The following SCD5 variants were observed in gnomAD, a reference collection of about 807,000 sequenced individuals.
SCD5 encodes acyl-CoA-desaturase 4.
SCD5 carries 20 observed loss-of-function variants against 30.4 expected under a neutral mutation model. The ratio of observed to expected loss-of-function variants is 0.66; its 90% CI spans 0.46 to 0.96. The LOEUF is 0.96. Among genes scored for constraint, SCD5 ranks in the 40% least tolerant of loss-of-function variants. The pLI is 0.00. For missense variants in SCD5, 381 were observed against 443.3 expected (o/e 0.86, Z 1.26); for synonymous variants, 173 against 176.4 (o/e 0.98, Z 0.16).
At chr4:82,771,560 G>A (rs1357671905) in intron 1 of SCD5, among the ~76,000 whole-genome samples, 2 of 152,182 alleles carry the variant, frequency 1.3e-5, no homozygotes, top group African/African-American at 2.4e-5. Context: ...GATAGGAGAA[G>A]GTGACTCAAA....
At chr4:82,719,169 G>C (rs1340121237) in intron 1 of SCD5, among the ~76,000 whole-genome samples, 1 of 151,808 alleles carries the variant, frequency 6.6e-6, no homozygotes, top group African/African-American at 2.4e-5. Flanking sequence ...AACATGGAAA[G>C]ATCTGGCAAT....
intron 1 of SCD5, among the ~76,000 whole-genome samples, chr4:82,729,393 C>T (rs1720578242): frequency 1.3e-5 from 2 of 152,156 alleles, no homozygotes; most frequent in African/African-American, 4.8e-5. Context: ...TTATAGTCAG[C>T]GATGCTTTCT....
chr4:82,778,146 T>C (rs940981239), intron 1 of SCD5, among the ~76,000 whole-genome samples: 1 of 151,994 alleles, frequency 6.6e-6, no homozygotes, highest in African/African-American at 2.4e-5. Context: ...ACGTTCTCAC[T>C]CATAAGTGGG....
intron 3 of SCD5, among the ~76,000 whole-genome samples, chr4:82,642,254 A>G (rs568740778): frequency 2.0e-5 from 3 of 152,262 alleles, no homozygotes; most frequent in South Asian, 4.2e-4. Context: ...TTCAAACTCA[A>G]TTCTTAAACC....
chr4:82,763,642 G>A (rs774111331), intron 1 of SCD5, among the ~76,000 whole-genome samples: 1 of 152,240 alleles, frequency 6.6e-6, no homozygotes, highest in Non-Finnish European at 1.5e-5. Flanking sequence ...GGGGTGTGCA[G>A]GAACAGAGGA....
intron 2 of SCD5, among the ~76,000 whole-genome samples, chr4:82,697,774 C>T (rs371063120): frequency 4.5e-4 from 69 of 152,328 alleles, no homozygotes; most frequent in African/African-American, 1.5e-3. Context: ...CTTGCTCTCT[C>T]GCTCACCTGC....
chr4:82,711,020 T>C (rs72661298), intron 1 of SCD5, among the ~76,000 whole-genome samples: 3,207 of 152,274 alleles, frequency 0.021, 58 homozygotes, highest in South Asian at 0.09. Flanking sequence ...TAAAGCTTGG[T>C]TTCTTCATGT....
At chr4:82,642,398 T>C (rs1296940303) in intron 3 of SCD5, among the ~76,000 whole-genome samples, 1 of 152,196 alleles carries the variant, frequency 6.6e-6, no homozygotes, top group African/African-American at 2.4e-5. Flanking sequence ...ATAAGTTGCA[T>C]ATATTTGAGT....
intron 1 of SCD5, among the ~76,000 whole-genome samples, chr4:82,724,043 C>T (rs1233482828): frequency 6.6e-6 from 1 of 152,058 alleles, no homozygotes. Flanking sequence ...AACTTACTTT[C>T]AAATGGCTGA....
intron 3 of SCD5, among the ~76,000 whole-genome samples, chr4:82,656,573 G>C (rs1015485107): frequency 6.6e-6 from 1 of 152,160 alleles, no homozygotes; most frequent in African/African-American, 2.4e-5. Context: ...ATGTGCATGT[G>C]TCTTTATAGT....
chr4:82,707,593 T>C (rs72661294), intron 1 of SCD5, among the ~76,000 whole-genome samples: 3,106 of 152,360 alleles, frequency 0.02, 60 homozygotes, highest in South Asian at 0.091. Context: ...TCTGTTTTGC[T>C]AGCAGATTCT....
chr4:82,760,646 T>C (rs1721343969), intron 1 of SCD5, among the ~76,000 whole-genome samples: 1 of 152,078 alleles, frequency 6.6e-6, no homozygotes, highest in Non-Finnish European at 1.5e-5. Flanking sequence ...CCTACCACTC[T>C]CCATCTTACC....
intron 1 of SCD5, among the ~76,000 whole-genome samples, chr4:82,766,896 T>C (rs1207502490): frequency 6.6e-6 from 1 of 152,152 alleles, no homozygotes; most frequent in Non-Finnish European, 1.5e-5. Context: ...CAGGCTGGTC[T>C]CAAACTCCTA....
chr4:82,731,155 G>C (rs994610805), intron 1 of SCD5, among the ~76,000 whole-genome samples: 1 of 152,134 alleles, frequency 6.6e-6, no homozygotes, highest in Non-Finnish European at 1.5e-5. Context: ...CGGAAAGCTG[G>C]GGGTAGGGGC....
At chr4:82,666,716 A>T (rs894305515) in intron 3 of SCD5, among the ~76,000 whole-genome samples, 47 of 152,338 alleles carry the variant, frequency 3.1e-4, no homozygotes, top group African/African-American at 1.1e-3. Context: ...AAAACTAGCT[A>T]GGTTTTCTCC....
At chr4:82,786,801 A>AAC (rs1352714716) in intron 1 of SCD5, among the ~76,000 whole-genome samples, 1 of 151,608 alleles carries the variant, frequency 6.6e-6, no homozygotes, top group Non-Finnish European at 1.5e-5. Flanking sequence ...TTAAAAAAAA[A>AAC]AAAAAAAAAA....
intron 2 of SCD5, among the ~76,000 whole-genome samples, chr4:82,703,294 C>T (rs1044078381): frequency 6.6e-6 from 1 of 152,156 alleles, no homozygotes; most frequent in African/African-American, 2.4e-5. Context: ...ATTTACCTAA[C>T]AATCATTAAT....
Position 82,770,882 on chromosome 4 carries a change from A to G in SCD5, c.232+27424T>C, listed in dbSNP as rs146513832. Among the ~76,000 whole-genome samples, 923 of 152,130 alleles carry G rather than the reference A, an allele frequency of 6.1e-3. 10 individuals are homozygous for G. Among genetic ancestry groups the G allele is most frequent in the African/African-American group, 0.021 (881 of 41,496 alleles). On this transcript the variant is annotated intron_variant, in intron 1 of 4. Coordinates refer to ENST00000319540, the MANE Select transcript of SCD5 (RefSeq NM_001037582.3). The stretch of plus-strand genomic sequence containing the variant: ...TCTCTCGTCCTCTGAGGCATGTTCT[A>G]ATCTACACAACGGCCCAGATGGCCC...
At chr4:82,790,272 G>A (rs192738203) in intron 1 of SCD5, among the ~76,000 whole-genome samples, 5 of 152,252 alleles carry the variant, frequency 3.3e-5, no homozygotes, top group Admixed American at 3.3e-4. Flanking sequence ...GAGAGCCAGT[G>A]GGAAGGCTGC....
Sources: gnomAD v4.1 joint callset for allele counts (sites outside exome capture counted in the v4.1 genomes callset) on GRCh38, gnomAD v4.1.1 for gene constraint, MANE v1.5 for transcripts, NCBI Gene and HGNC (gene_info 2026-07-23, HGNC 2026-07-21) for gene names.